The following DYNLT5 variants were observed in gnomAD, a reference collection of about 807,000 sequenced individuals.
DYNLT5 encodes the protein dynein light chain Tctex-type family member 5.
In DYNLT5, 25 loss-of-function variants were observed where a neutral mutation model predicts 19.3. The observed-to-expected ratio is 1.30, with a 90% CI of 0.95 to 1.81. The LOEUF is 1.81. Ranked by LOEUF, DYNLT5 falls within the 40% of genes most tolerant of loss-of-function variation. DYNLT5 has a pLI of 0.00. For missense variants in DYNLT5, 232 were observed against 217.9 expected, an observed-to-expected ratio of 1.06 and a Z score of -0.41; for synonymous variants, 82 against 68.9, an observed-to-expected ratio of 1.19 and a Z score of -0.94.
chr1:66,753,661 A>G (rs2094630982), intron 1 of DYNLT5, among the ~76,000 whole-genome samples: 1 of 152,166 alleles, frequency 6.6e-6, no homozygotes, highest in Admixed American at 6.5e-5. Context: ...TTTTAAAGTC[A>G]TGGTGGGTCA....
At chr1:66,776,234 G>A (rs1645233597) in intron 3 of DYNLT5, 45 bp from the exon 4 acceptor site, 1 of 1,600,298 alleles carries the variant, frequency 6.2e-7, no homozygotes, top group Non-Finnish European at 8.5e-7. Context: ...GGGTGGGTGT[G>A]ATTTGAAATT....
At chr1:66,762,310 T>C (rs1317223286) in intron 2 of DYNLT5, among the ~76,000 whole-genome samples, 1 of 152,262 alleles carries the variant, frequency 6.6e-6, no homozygotes, top group Non-Finnish European at 1.5e-5. Flanking sequence ...GTTGGGAACA[T>C]TCAATGTCCT....
chr1:66,774,509 G>A (rs1645224000), intron 3 of DYNLT5, among the ~76,000 whole-genome samples: 1 of 152,024 alleles, frequency 6.6e-6, no homozygotes, highest in South Asian at 2.1e-4. Context: ...AGAACCTCAA[G>A]AGGCTCACCT....
Position 66,765,640 on chromosome 1 carries a change from C to CTT in DYNLT5, c.120-4733_120-4732dup, listed in dbSNP as rs11399958. 4.5e-3 allele frequency among the ~76,000 whole-genome samples: 622 copies of CTT among 138,740 alleles called. 5 individuals carry two copies. Among genetic ancestry groups the CTT allele is most frequent in the African/African-American group, 0.011 (434 of 37,844 alleles). The allele number at this position is 138,740 out of a possible 152,430, so 91.0% of individuals were successfully genotyped here. A position where few individuals can be genotyped will look rare whatever the true frequency, so the allele number is the denominator to read the frequency against. ...TGTTCTAACTTTTTCTTTTCTTTTT[C>CTT]TTTTTTTTTTTTTTTGATGGAGTCT... On this transcript the variant is annotated intron_variant, in intron 2 of 4. Transcript: ENST00000282670.
At chr1:66,776,166 C>T (rs1645233178) in intron 3 of DYNLT5, 113 bp from the exon 4 acceptor site, 2 of 1,362,950 alleles carry the variant, frequency 1.5e-6, no homozygotes, top group Non-Finnish European at 2.0e-6. Flanking sequence ...TCAATAGAGT[C>T]CACCCAGAAG....
intron 3 of DYNLT5, 147 bp from the exon 4 acceptor site, chr1:66,776,132 C>G: frequency 9.5e-7 from 1 of 1,047,776 alleles, no homozygotes; most frequent in Non-Finnish European, 1.3e-6. Context: ...TGACAGGAAA[C>G]CTAATTAGAG....
At chr1:66,773,067 T>C (rs1477377482) in intron 3 of DYNLT5, among the ~76,000 whole-genome samples, 1 of 152,194 alleles carries the variant, frequency 6.6e-6, no homozygotes, top group Admixed American at 6.5e-5. Context: ...AGTGACTGAC[T>C]CAAGGACCTT....
chr1:66,756,505 C>T (rs932636371), intron 2 of DYNLT5, among the ~76,000 whole-genome samples: 3 of 152,168 alleles, frequency 2.0e-5, no homozygotes, highest in African/African-American at 7.2e-5. Context: ...TATGGAAAAA[C>T]ATATAACTTT....
intron 2 of DYNLT5, among the ~76,000 whole-genome samples, chr1:66,762,259 A>T (rs1048893909): frequency 3.3e-5 from 5 of 152,204 alleles, no homozygotes; most frequent in African/African-American, 1.2e-4. Context: ...GATCACGGTG[A>T]TTAGCATATC....
intron 3 of DYNLT5, among the ~76,000 whole-genome samples, chr1:66,773,140 G>A (rs183407198): frequency 3.9e-5 from 6 of 152,142 alleles, no homozygotes; most frequent in Middle Eastern, 3.4e-3. Flanking sequence ...ATTAATTATG[G>A]AATAAGTTTT....
chr1:66,754,604 A>G (rs1202655414), intron 1 of DYNLT5, 52 bp from the exon 2 acceptor site: 1 of 1,549,216 alleles, frequency 6.5e-7, no homozygotes, highest in African/African-American at 1.4e-5. Context: ...TATACTAACT[A>G]AAATGTTTCC....
At position 66,752,856 on chromosome 1, in the gene DYNLT5, G is replaced by T. The variant is rs140726885; in HGVS notation, c.-4+272G>T. On this transcript the variant is annotated intron_variant, in intron 1 of 4. Transcript: ENST00000282670. ...GGCCAGCAAGGTCATCCCCTGACCC[G>T]GGGCGGTCTTCCTGTGGCTGGCCGC... Among the ~76,000 whole-genome samples, 1,127 of 152,272 alleles carry T rather than the reference G, an allele frequency of 7.4e-3. 18 individuals are homozygous for T. The highest frequency in any genetic ancestry group is 0.026 in the African/African-American group (1,075 of 41,558).
intron 3 of DYNLT5, among the ~76,000 whole-genome samples, chr1:66,774,327 G>A (rs1366010266): frequency 6.6e-6 from 1 of 152,074 alleles, no homozygotes; most frequent in Non-Finnish European, 1.5e-5. Context: ...TCCTGGCCTA[G>A]AGCATTGTCA....
At chr1:66,776,472 A>C (rs1379671159) in intron 4 of DYNLT5, 69 bp downstream of exon 4, 2 of 1,509,726 alleles carry the variant, frequency 1.3e-6, no homozygotes, top group Non-Finnish European at 1.8e-6. Flanking sequence ...CGGACCCTCT[A>C]CTTTTTTGAT....
At chr1:66,765,795 T>C (rs2094653999) in intron 2 of DYNLT5, among the ~76,000 whole-genome samples, 1 of 152,142 alleles carries the variant, frequency 6.6e-6, no homozygotes, top group South Asian at 2.1e-4. Context: ...ACTTCTTAAA[T>C]AATTTTTTTG....
At chr1:66,765,937 A>G (rs1475447083) in intron 2 of DYNLT5, among the ~76,000 whole-genome samples, 1 of 152,214 alleles carries the variant, frequency 6.6e-6, no homozygotes, top group Admixed American at 6.5e-5. Flanking sequence ...TTCTGTATGC[A>G]GGCTGTCTGT....
intron 3 of DYNLT5, among the ~76,000 whole-genome samples, chr1:66,773,619 A>G (rs1645216557): frequency 6.6e-6 from 1 of 152,096 alleles, no homozygotes. Context: ...TGTTCTAAAC[A>G]TATTCAATTT....
chr1:66,774,692 C>T (rs1645224689), intron 3 of DYNLT5, among the ~76,000 whole-genome samples: 2 of 152,028 alleles, frequency 1.3e-5, no homozygotes, highest in Admixed American at 6.6e-5. Flanking sequence ...ACAGAAACTG[C>T]TCCCAAGGGA....
chr1:66,770,475 T>G lies in DYNLT5; in HGVS notation c.208T>G (p.Leu70Val). The stretch of plus-strand genomic sequence containing the variant: ...AGTTCAGATGGAAAACACCTATCAG[T>G]TGGGTGTGTTCTTTTATCTCTCACT... ...LTVQMENTYQLGPPKHFPVVT... is the reference protein window; with the variant it reads ...LTVQMENTYQVGPPKHFPVVT... Residue 70 changes from leucine to valine, a missense_variant, in exon 3 of 5, where the codon TTG becomes GTG. Coordinates refer to ENST00000282670, the MANE Select transcript of DYNLT5 (RefSeq NM_152665.3). 1 of 1,609,636 alleles carries G rather than the reference T, an allele frequency of 6.2e-7. No homozygotes were observed. The highest frequency in any genetic ancestry group is 1.3e-5 in the African/African-American group (1 of 74,944).
Sources: allele counts gnomAD v4.1 joint callset (sites outside exome capture counted in the v4.1 genomes callset), GRCh38; gene constraint gnomAD v4.1.1; transcripts MANE v1.5; gene names NCBI Gene and HGNC (gene_info 2026-07-23, HGNC 2026-07-21).